The following PDE1C variants were observed in gnomAD, a reference collection of about 807,000 sequenced individuals.
PDE1C encodes dual specificity calcium/calmodulin-dependent 3',5'-cyclic nucleotide phosphodiesterase 1C.
Under a neutral mutation model 93.1 loss-of-function variants are expected in PDE1C, and 62 were observed. The ratio of observed to expected loss-of-function variants is 0.67; its 90% confidence interval spans 0.54 to 0.82. The LOEUF (loss-of-function observed/expected upper bound fraction) is 0.82. Ranked by LOEUF, PDE1C falls within the 40% of genes least tolerant of loss-of-function variation. The pLI is 0.00. For missense variants in PDE1C, 742 were observed against 884.6 expected, an observed-to-expected ratio of 0.84 and a Z score of 2.04; for synonymous variants, 325 against 310.1, an observed-to-expected ratio of 1.05 and a Z score of -0.50.
chr7:31,673,173 G>A, the PDE1C span, among the ~76,000 whole-genome samples: 2 of 152,164 alleles, frequency 1.3e-5, no homozygotes, highest in African/African-American at 4.8e-5. Flanking sequence ...GAAGCTTTCA[G>A]GTATGCCCTA....
At chr7:31,978,020 T>C (rs1811887707) in intron 2 of PDE1C, among the ~76,000 whole-genome samples, 1 of 152,152 alleles carries the variant, frequency 6.6e-6, no homozygotes, top group South Asian at 2.1e-4. Context: ...GACGCTAAGA[T>C]ATAAATAAGT....
intron 2 of PDE1C, among the ~76,000 whole-genome samples, chr7:32,012,267 A>C (rs1787239774): frequency 6.6e-6 from 1 of 151,498 alleles, no homozygotes; most frequent in African/African-American, 2.5e-5. Flanking sequence ...CAGAAGGTGA[A>C]GGAAGAAGTC....
chr7:31,665,767 G>C, the PDE1C span, among the ~76,000 whole-genome samples: 1 of 152,088 alleles, frequency 6.6e-6, no homozygotes, highest in South Asian at 2.1e-4. Flanking sequence ...AAGGCCCTCA[G>C]GGAAACTTCT....
intron 12 of PDE1C, among the ~76,000 whole-genome samples, chr7:31,827,151 A>T (rs73092414): frequency 6.6e-6 from 1 of 152,110 alleles, no homozygotes; most frequent in Non-Finnish European, 1.5e-5. Flanking sequence ...CCCTCACTAC[A>T]TCCTACTCCG....
chr7:31,721,073 TTCTC>T, the PDE1C span, among the ~76,000 whole-genome samples: 1 of 152,302 alleles, frequency 6.6e-6, no homozygotes, highest in Admixed American at 6.5e-5. Flanking sequence ...GCCCAAAATG[TTCTC>T]TCTAATCAAT....
At chr7:32,250,134 T>C (rs540953569) in intron 1 of PDE1C, among the ~76,000 whole-genome samples, 74 of 152,292 alleles carry the variant, frequency 4.9e-4, no homozygotes, top group South Asian at 2.3e-3. Flanking sequence ...AGCTGAGTAA[T>C]GACACAAGAG....
chr7:32,091,233 T>C (rs1797453718), intron 3 of PDE1C, among the ~76,000 whole-genome samples: 1 of 152,172 alleles, frequency 6.6e-6, no homozygotes, highest in African/African-American at 2.4e-5. Flanking sequence ...AGGGAATAAA[T>C]GGGAGAGATG....
intron 3 of PDE1C, among the ~76,000 whole-genome samples, chr7:32,129,924 G>T (rs1336323198): frequency 6.6e-6 from 1 of 151,850 alleles, no homozygotes; most frequent in African/African-American, 2.4e-5. Flanking sequence ...CTTTTACATG[G>T]TACTTTACAA....
upstream of PDE1C, chr7:32,071,355 A>C: frequency 2.0e-6 from 2 of 985,524 alleles, no homozygotes; most frequent in Non-Finnish European, 2.4e-6. Flanking sequence ...ACAGAACCGG[A>C]TCCATTTTGA....
At chr7:32,158,290 G>A (rs553136319) in intron 3 of PDE1C, among the ~76,000 whole-genome samples, 1 of 152,234 alleles carries the variant, frequency 6.6e-6, no homozygotes, top group Admixed American at 6.5e-5. Flanking sequence ...CGTTGCCCGA[G>A]CCAGAGTTAT....
At chr7:31,723,741 A>C in the PDE1C span, among the ~76,000 whole-genome samples, 1 of 152,172 alleles carries the variant, frequency 6.6e-6, no homozygotes, top group Non-Finnish European at 1.5e-5. Flanking sequence ...GAAATTATTC[A>C]TATCGGATAA....
chr7:32,232,342 A>G (rs1183437448), intron 1 of PDE1C, among the ~76,000 whole-genome samples: 1 of 152,040 alleles, frequency 6.6e-6, no homozygotes, highest in Non-Finnish European at 1.5e-5. Flanking sequence ...ATTTTTTTCT[A>G]TTGTCCATTC....
the PDE1C span, chr7:31,707,980 A>G: frequency 6.6e-6 from 1 of 152,254 alleles, no homozygotes; most frequent in African/African-American, 2.4e-5. Flanking sequence ...AATATTTCTT[A>G]AACATGCTGT....
chr7:31,821,637 A>G (rs184588275), intron 14 of PDE1C, among the ~76,000 whole-genome samples: 1 of 152,284 alleles, frequency 6.6e-6, no homozygotes, highest in African/African-American at 2.4e-5. Context: ...GGCTCCCTCC[A>G]TAGCTCAGGG....
chr7:32,107,554 C>A (rs1359987751), intron 3 of PDE1C, among the ~76,000 whole-genome samples: 3 of 152,102 alleles, frequency 2.0e-5, no homozygotes, highest in African/African-American at 7.2e-5. Flanking sequence ...CTGTAGCCAG[C>A]AAAATTACTC....
At chr7:32,363,331 T>C (rs1585126354) in intron 1 of PDE1C, among the ~76,000 whole-genome samples, 1 of 152,278 alleles carries the variant, frequency 6.6e-6, no homozygotes, top group South Asian at 2.1e-4. Flanking sequence ...TCAAAGAAGC[T>C]AAAATAATGT....
At chr7:32,370,075 C>A (rs1471048199) in intron 1 of PDE1C, among the ~76,000 whole-genome samples, 1 of 152,188 alleles carries the variant, frequency 6.6e-6, no homozygotes, top group African/African-American at 2.4e-5. Flanking sequence ...AGACTTGGAA[C>A]CAACCCAAAT....
At chr7:31,854,923 C>T (rs1036738753) in intron 7 of PDE1C, among the ~76,000 whole-genome samples, 1 of 151,794 alleles carries the variant, frequency 6.6e-6, no homozygotes, top group Non-Finnish European at 1.5e-5. Flanking sequence ...AAAAATCAGC[C>T]GGGTGTGCTG....
At chr7:31,721,220 T>C in the PDE1C span, among the ~76,000 whole-genome samples, 1 of 152,204 alleles carries the variant, frequency 6.6e-6, no homozygotes, top group African/African-American at 2.4e-5. Context: ...ATGTTCACCA[T>C]TCAGAAATGA....
Sources: allele counts gnomAD v4.1 joint callset (sites outside exome capture counted in the v4.1 genomes callset), GRCh38; gene constraint gnomAD v4.1.1; transcripts MANE v1.5; gene names NCBI Gene and HGNC (gene_info 2026-07-23, HGNC 2026-07-21).